The following FZD8 variants were observed in gnomAD, a reference collection of about 807,000 sequenced individuals.
FZD8 encodes the protein frizzled class receptor 8.
Under a neutral mutation model 46.0 loss-of-function variants are expected in FZD8, and 18 were observed. That is an observed-to-expected ratio of 0.39 (90% CI 0.27 to 0.58). The LOEUF (loss-of-function observed/expected upper bound fraction) is 0.58. Ranked by LOEUF, FZD8 falls within the 20% of genes least tolerant of loss-of-function variation. The probability of loss-of-function intolerance (pLI) is 0.55; values close to 1 mark genes in which losing one functional copy is unlikely to be tolerated. For synonymous variants in FZD8, 586 were observed against 467.9 expected, an observed-to-expected ratio of 1.25 and a Z score of -3.26; for missense variants, 785 against 983.4, an observed-to-expected ratio of 0.80 and a Z score of 2.70.
Position 35,640,159 on chromosome 10 carries a change from G to T in FZD8, c.1271C>A (p.Ala424Glu). 6.2e-7 allele frequency: 1 copy of T among 1,613,236 alleles called. No homozygotes were observed. The highest frequency in any genetic ancestry group is 8.5e-7 in the Non-Finnish European group (1 of 1,179,842). ...WVILSLTWFL[A>E]AGMKWGNEAI... ...TTCGTTGCCCCACTTCATACCGGCC[G>T]CCAGGAACCATGTGAGCGACAAGAT... Residue 424 changes from alanine (A) to glutamate (E), a missense_variant, in exon 1 of 1, where the codon GCG becomes GAG. Coordinates refer to ENST00000374694, the MANE Select transcript of FZD8 (RefSeq NM_031866.3).
At position 35,639,695 on chromosome 10, in the gene FZD8, G is replaced by A; in HGVS notation, c.1735C>T (p.Arg579Cys). 6.3e-7 allele frequency: 1 copy of A among 1,599,474 alleles called. No individual in the cohort carries two copies. The highest frequency in any genetic ancestry group is 8.5e-7 in the Non-Finnish European group (1 of 1,179,666). ...CLRDLQPDQARRPDYAVFMLK... is the reference protein window; with the variant it reads ...CLRDLQPDQACRPDYAVFMLK... ...ATGAAGACGGCGTAGTCGGGCCTGCGTGCCTGGTCGGGCTGCAGGTCCCGC... is the reference window on the plus strand; with the variant it reads ...ATGAAGACGGCGTAGTCGGGCCTGCATGCCTGGTCGGGCTGCAGGTCCCGC... The change falls in exon 1 of 1, where the codon CGC (arginine) becomes TGC (cysteine). Residue 579 changes from arginine (R) to cysteine (C), a missense_variant. This residue lies in a region of FZD8 where 185 missense variants were observed against 180.8 expected (regional missense o/e 1.02). Coordinates refer to ENST00000374694, the MANE Select transcript of FZD8 (RefSeq NM_031866.3).
rs1835826714 is a variant in FZD8 at position 35,639,891 on chromosome 10, G to A, written c.1539C>T (p.Val513=). The A allele has an allele frequency of 1.9e-6, 3 of 1,612,322 alleles. No homozygotes were observed. Among genetic ancestry groups the A allele is most frequent in the Non-Finnish European group, 2.5e-6 (3 of 1,179,944 alleles). Residue 513 remains valine, a synonymous_variant, in exon 1 of 1, where the codon GTC becomes GTT. Coordinates refer to ENST00000374694, the MANE Select transcript of FZD8 (RefSeq NM_031866.3). Reference sequence around the variant, plus strand: ...TGGTGGGGCCGTCCTGTTGCTTGATGACCGAGCGGATGCGGAAGAGGGACA... The same window carrying A: ...TGGTGGGGCCGTCCTGTTGCTTGATAACCGAGCGGATGCGGAAGAGGGACA... The part of the protein sequence containing the change: ...GFVSLFRIRS[V]IKQQDGPTKT...
Position 35,639,634 on chromosome 10 carries a change from G to A in FZD8, c.1796C>T (p.Thr599Ile). The change falls in exon 1 of 1, where the codon ACC becomes ATC. Residue 599 changes from threonine to isoleucine, a missense_variant. By Grantham distance (89) the Thr-to-Ile change is moderately conservative. Coordinates refer to ENST00000374694, the MANE Select transcript of FZD8 (RefSeq NM_031866.3). ...KYFMCLVVGI[T>I]SGVWVWSGKT... ...GCCGGACCAGACCCACACGCCCGAG[G>A]TGATGCCCACCACTAGGCACATGAA... 1.9e-6 allele frequency: 3 copies of A among 1,598,426 alleles called. No homozygotes were observed. Among genetic ancestry groups the A allele is most frequent in the Non-Finnish European group, 2.5e-6 (3 of 1,179,682 alleles).
At position 35,640,351 on chromosome 10, in the gene FZD8, G is replaced by GCGCCCGCCGCCGCGC. The variant is rs1427282033; in HGVS notation, c.1064_1078dup (p.Gly355_Gly359dup). On this transcript the variant is annotated inframe_insertion, in exon 1 of 1. Coordinates refer to ENST00000374694, the MANE Select transcript of FZD8 (RefSeq NM_031866.3). ...GCCCGCGCCCGCGCCCGCCGCGCCC[G>GCGCCCGCCGCCGCGC]CGCCCGCCGCCGCGCCGCCCGCGCC... is the stretch of plus-strand genomic sequence containing the variant. The GCGCCCGCCGCCGCGC allele has an allele frequency of 4.2e-6, 4 of 963,774 alleles. No individual in the cohort carries two copies. Among genetic ancestry groups the GCGCCCGCCGCCGCGC allele is most frequent in the Non-Finnish European group, 4.9e-6 (4 of 813,848 alleles). The allele number at this position is 963,774 out of a possible 1,614,324, so 59.7% of individuals were successfully genotyped here.
In FZD8 at chr10:35,641,390, C is replaced by T; in HGVS notation, c.40G>A (p.Ala14Thr). The change falls in exon 1 of 1, where the codon GCC becomes ACC. Residue 14 changes from alanine to threonine, a missense_variant. Transcript: ENST00000374694. This position sits in a 1 kb window ranked among gnomAD's most constrained non-coding sequence, Gnocchi z 6.3. The part of the protein sequence containing the change: ...GYLLEVTSLL[A>T]ALALLQRSSG... The stretch of plus-strand genomic sequence containing the variant: ...GAGCGCTGCAGCAGCGCCAAGGCGG[C>T]CAGCAGCGAGGTCACTTCCAACAGG... 6.2e-7 allele frequency: 1 copy of T among 1,612,306 alleles called. No homozygotes were observed. Among genetic ancestry groups the T allele is most frequent in the Non-Finnish European group, 8.5e-7 (1 of 1,179,576 alleles).
Position 35,641,349 on chromosome 10 carries a change from G to A in FZD8, c.81C>T (p.Ala27=). ...GGCATGCCAGCTCCTTGGCCGAGGC[G>A]GCCGCAGCGCCGCTAGAGCGCTGCA... is the stretch of plus-strand genomic sequence containing the variant. The part of the protein sequence containing the change: ...ALLQRSSGAA[A]ASAKELACQE... The change falls in exon 1 of 1, where the codon GCC becomes GCT. Residue 27 remains alanine, a synonymous_variant. Transcript: ENST00000374694. This position sits in a 1 kb window ranked among gnomAD's most constrained non-coding sequence, Gnocchi z 6.3. 1 of 1,613,618 alleles carries A rather than the reference G, an allele frequency of 6.2e-7. No individual in the cohort carries two copies. Among genetic ancestry groups the A allele is most frequent in the Non-Finnish European group, 8.5e-7 (1 of 1,179,866 alleles).
chr10:35,640,568 A>G lies in FZD8; in HGVS notation c.862T>C (p.Cys288Arg). The change falls in exon 1 of 1, where the codon TGC becomes CGC. Residue 288 changes from cysteine to arginine, a missense_variant. Transcript: ENST00000374694. ...VFWIGLWSVLCFVSTFATVST... is the reference protein window; with the variant it reads ...VFWIGLWSVLRFVSTFATVST... The stretch of plus-strand genomic sequence containing the variant: ...ACGGTGGCGAAGGTGGACACGAAGC[A>G]GAGCACCGACCACAGGCCGATCCAG... 6.3e-7 allele frequency: 1 copy of G among 1,585,666 alleles called. No individual in the cohort carries two copies. Among genetic ancestry groups the G allele is most frequent in the Non-Finnish European group, 8.6e-7 (1 of 1,163,566 alleles).
Position 35,639,869 on chromosome 10 carries a change from T to TGGGGCC in FZD8, c.1555_1560dup (p.Gly519_Pro520dup), listed in dbSNP as rs1434216299. 1 of 1,610,598 alleles carries TGGGGCC rather than the reference T, an allele frequency of 6.2e-7. No homozygotes were observed. The highest frequency in any genetic ancestry group is 1.3e-5 in the African/African-American group (1 of 74,656). Reference sequence around the variant, plus strand: ...AGCTTCTCCAGCTTGTGCGTCTTGGTGGGGCCGTCCTGTTGCTTGATGACC... The same window carrying TGGGGCC: ...AGCTTCTCCAGCTTGTGCGTCTTGGTGGGGCCGGGGCCGTCCTGTTGCTTGATGACC... On this transcript the variant is annotated inframe_insertion, in exon 1 of 1. Coordinates refer to ENST00000374694, the MANE Select transcript of FZD8 (RefSeq NM_031866.3).
At position 35,640,981 on chromosome 10, in the gene FZD8, T is replaced by A; in HGVS notation, c.449A>T (p.Asp150Val). ...EQGNPDTLCM[D>V]YNRTDLTTAA... The stretch of plus-strand genomic sequence containing the variant: ...GGTGGTTAGGTCGGTGCGGTTGTAG[T>A]CCATGCACAGCGTGTCAGGGTTGCC... Residue 150 changes from aspartate to valine, a missense_variant, in exon 1 of 1, where the codon GAC (aspartate) becomes GTC (valine). Around this residue, in one of 5 missense-constraint regions of FZD8, gnomAD observed 354 missense variants for 433.2 expected, o/e 0.82. Coordinates refer to ENST00000374694, the MANE Select transcript of FZD8 (RefSeq NM_031866.3). 2.5e-6 allele frequency: 4 copies of A among 1,599,500 alleles called. No individual in the cohort carries two copies. The highest frequency in any genetic ancestry group is 3.4e-6 in the Non-Finnish European group (4 of 1,174,430).
rs763503868 is a variant in FZD8 at position 35,641,405 on chromosome 10, C to G, written c.25G>C (p.Val9Leu). ...GCCAAGGCGGCCAGCAGCGAGGTCA[C>G]TTCCAACAGGTAACCCCACTCCATG... MEWGYLLEVTSLLAALALL... is the reference protein window; with the variant it reads MEWGYLLELTSLLAALALL... Residue 9 changes from valine to leucine, a missense_variant, in exon 1 of 1, where the codon GTG becomes CTG. By Grantham distance (32) the Val-to-Leu change is conservative. Coordinates refer to ENST00000374694, the MANE Select transcript of FZD8 (RefSeq NM_031866.3). The surrounding 1 kb of genome is among the most constrained non-coding windows in gnomAD (Gnocchi z 6.3). The G allele has an allele frequency of 6.2e-7, 1 of 1,610,946 alleles. No homozygotes were observed. Among genetic ancestry groups the G allele is most frequent in the Non-Finnish European group, 8.5e-7 (1 of 1,179,478 alleles).
At position 35,639,918 on chromosome 10, in the gene FZD8, G is replaced by A; in HGVS notation, c.1512C>T (p.Phe504=). Residue 504 remains phenylalanine, a synonymous_variant, in exon 1 of 1, where the codon TTC becomes TTT. Transcript: ENST00000374694. ...FIGTMFLLAG[F]VSLFRIRSVI... ...CCGAGCGGATGCGGAAGAGGGACAC[G>A]AAGCCGGCCAGCAGGAACATGGTGC... 1 of 1,613,006 alleles carries A rather than the reference G, an allele frequency of 6.2e-7. No individual in the cohort carries two copies. Among genetic ancestry groups the A allele is most frequent in the Non-Finnish European group, 8.5e-7 (1 of 1,179,940 alleles).
chr10:35,640,321 G>GC lies in FZD8; in HGVS notation c.1108_1109insG (p.Pro370ArgfsTer351). 1 of 1,219,434 alleles carries GC rather than the reference G, an allele frequency of 8.2e-7. No individual in the cohort carries two copies. Among genetic ancestry groups the GC allele is most frequent in the Non-Finnish European group, 1.0e-6 (1 of 964,918 alleles). The allele number at this position is 1,219,434 out of a possible 1,614,324, so 75.5% of individuals were successfully genotyped here. A position where few individuals can be genotyped will look rare whatever the true frequency, so the allele number is the denominator to read the frequency against. On this transcript the variant is annotated frameshift_variant, in exon 1 of 1. Transcript: ENST00000374694. LOFTEE classifies it high-confidence loss of function. ...CTCCTCGTACTCGCCGCGCCCGCCC[G>GC]GGCCGCCCGCGCCCGCGCCCGCCGC...
rs1471480102 is a variant in FZD8, at chr10:35,640,881, G to A, written c.549C>T (p.Gly183=). The change falls in exon 1 of 1, where the codon GGC becomes GGT. Residue 183 remains glycine (G), a synonymous_variant. Coordinates refer to ENST00000374694, the MANE Select transcript of FZD8 (RefSeq NM_031866.3). ...GEQPPSGSGH[G]RPPGARPPHR... ...GCGGGGGCCTGGCCCCCGGCGGGCG[G>A]CCGTGGCCGCTGCCCGAAGGCGGCT... 2 of 990,732 alleles carry A rather than the reference G, an allele frequency of 2.0e-6. No individual in the cohort carries two copies. The highest frequency in any genetic ancestry group is 2.4e-6 in the Non-Finnish European group (2 of 835,854). The allele number at this position is 990,732 out of a possible 1,614,324, so 61.4% of individuals were successfully genotyped here.
chr10:35,640,867 G>A lies in FZD8; in HGVS notation c.563C>T (p.Ala188Val). The A allele has an allele frequency of 1.0e-6, 1 of 978,898 alleles. No homozygotes were observed. Among genetic ancestry groups the A allele is most frequent in the Non-Finnish European group, 1.2e-6 (1 of 826,826 alleles). The allele number at this position is 978,898 out of a possible 1,614,324, so 60.6% of individuals were successfully genotyped here. The change falls in exon 1 of 1, where the codon GCC (alanine) becomes GTC (valine). Residue 188 changes from alanine to valine, a missense_variant. Transcript: ENST00000374694. ...GCCGCCGCCGCGGTGCGGGGGCCTG[G>A]CCCCCGGCGGGCGGCCGTGGCCGCT... The part of the protein sequence containing the change: ...SGSGHGRPPG[A>V]RPPHRGGGRG...
rs1395576494 is a variant in FZD8, at chr10:35,640,339, CCCGCCGCGCCCGCGCCCG to C, written c.1073_1090del (p.Ala358_Ala363del). ...CCCGCCCGGGCCGCCCGCGCCCGCG[CCCGCCGCGCCCGCGCCCG>C]CCGCCGCGCCGCCCGCGCCCCCAGC... On this transcript the variant is annotated inframe_deletion, in exon 1 of 1. Coordinates refer to ENST00000374694, the MANE Select transcript of FZD8 (RefSeq NM_031866.3). 9.3e-6 allele frequency: 9 copies of C among 964,420 alleles called. No individual in the cohort carries two copies. The highest frequency in any genetic ancestry group is 9.3e-5 in the South Asian group (2 of 21,414). 59.7% of individuals were successfully genotyped at this position (964,420 alleles called of 1,614,324 possible). A position where few individuals can be genotyped will look rare whatever the true frequency, so the allele number is the denominator to read the frequency against.
Position 35,641,682 on chromosome 10 carries a change from C to G in FZD8, c.-253G>C. ...CCGGGGGTTTGAAGGCGGCTGCAGGCGCGCGCCACAGTCCGTAGGTCCGCT... is the reference window on the plus strand; with the variant it reads ...CCGGGGGTTTGAAGGCGGCTGCAGGGGCGCGCCACAGTCCGTAGGTCCGCT... On this transcript the variant is annotated 5_prime_UTR_variant, in exon 1 of 1. Transcript: ENST00000374694. The surrounding 1 kb of genome is among the most constrained non-coding windows in gnomAD (Gnocchi z 6.3). The G allele has an allele frequency of 2.1e-6, 1 of 468,708 alleles. No homozygotes were observed. 29.0% of individuals were successfully genotyped at this position (468,708 alleles called of 1,614,324 possible). A position where few individuals can be genotyped will look rare whatever the true frequency, so the allele number is the denominator to read the frequency against.
In FZD8 at chr10:35,640,412, A is replaced by ACGCCACCTTCTCGTGGCC; in HGVS notation, c.1000_1017dup (p.Gly334_Ala339dup). On this transcript the variant is annotated inframe_insertion, in exon 1 of 1. Coordinates refer to ENST00000374694, the MANE Select transcript of FZD8 (RefSeq NM_031866.3). The stretch of plus-strand genomic sequence containing the variant: ...CCCGCGCCCGGCGCGCCACCGCTGC[A>ACGCCACCTTCTCGTGGCC]CGCCACCTTCTCGTGGCCCGCCACC... 7.2e-7 allele frequency: 1 copy of ACGCCACCTTCTCGTGGCC among 1,380,694 alleles called. No homozygotes were observed. The highest frequency in any genetic ancestry group is 9.5e-7 in the Non-Finnish European group (1 of 1,048,308). 85.5% of individuals were successfully genotyped at this position (1,380,694 alleles called of 1,614,324 possible).
chr10:35,640,314 C>A lies in FZD8; in HGVS notation c.1116G>T (p.Gly372=). The change falls in exon 1 of 1, where the codon GGG becomes GGT. Residue 372 remains glycine (G), a synonymous_variant. Coordinates refer to ENST00000374694, the MANE Select transcript of FZD8 (RefSeq NM_031866.3). ...AAGAGAGGPG[G]RGEYEELGAV... ...CGCCCAGCTCCTCGTACTCGCCGCG[C>A]CCGCCCGGGCCGCCCGCGCCCGCGC... 7.8e-7 allele frequency: 1 copy of A among 1,287,122 alleles called. No individual in the cohort carries two copies. Among genetic ancestry groups the A allele is most frequent in the South Asian group, 2.2e-5 (1 of 44,886 alleles). The allele number at this position is 1,287,122 out of a possible 1,614,324, so 79.7% of individuals were successfully genotyped here.
rs1835880632 is a variant in FZD8 at position 35,642,226 on chromosome 10, G to C, written c.-797C>G. On this transcript the variant is annotated 5_prime_UTR_variant, in exon 1 of 1. Coordinates refer to ENST00000374694, the MANE Select transcript of FZD8 (RefSeq NM_031866.3). The stretch of plus-strand genomic sequence containing the variant: ...CGGACACCTGAGTGGCGCGGCCCGC[G>C]CCCAGCCGCCGCCTCCTCCTCGGCG... The C allele has an allele frequency of 6.5e-6, 1 of 152,766 alleles. No individual in the cohort carries two copies. Among genetic ancestry groups the C allele is most frequent in the Non-Finnish European group, 1.5e-5 (1 of 68,556 alleles). 9.5% of individuals were successfully genotyped at this position (152,766 alleles called of 1,614,324 possible).
Sources: gnomAD v4.1 joint callset for allele counts on GRCh38, gnomAD v4.1.1 for gene constraint, gnomAD v4.1.1 regional missense constraint, Gnocchi (gnomAD v3.1) non-coding constraint, MANE v1.5 for transcripts, NCBI Gene and HGNC (gene_info 2026-07-23, HGNC 2026-07-21) for gene names.